MROH1: variants seen among roughly 807,000 people sequenced by gnomAD.
MROH1 encodes the protein maestro heat-like repeat-containing protein family member 1.
A neutral mutation model predicts 116.5 loss-of-function variants in MROH1; 117 were observed. The ratio of observed to expected loss-of-function variants is 1.00; its 90% CI spans 0.86 to 1.17. The LOEUF is 1.17. Among genes scored for constraint, MROH1 ranks in the 50% most tolerant of loss-of-function variants. The pLI is 0.00. For synonymous variants in MROH1, 921 were observed against 583.9 expected, an observed-to-expected ratio of 1.58 and a Z score of -8.32; for missense variants, 1,873 against 1,338.5, an observed-to-expected ratio of 1.40 and a Z score of -6.23.
intron 5 of MROH1, among the ~76,000 whole-genome samples, chr8:144,179,947 GCGTGTGGGGTCTCCT>G (rs1191251276): frequency 1.4e-4 from 4 of 29,186 alleles, no homozygotes; most frequent in Non-Finnish European, 6.3e-4. Context: ...TGCTGCTCCT[GCGTGTGGGGTCTCCT>G]CAGCAGCCCC....
intron 1 of MROH1, among the ~76,000 whole-genome samples, chr8:144,159,598 T>G (rs917328404): frequency 9.9e-5 from 15 of 152,270 alleles, no homozygotes; most frequent in African/African-American, 3.6e-4. Context: ...CCTCGTAGTG[T>G]TAACATATTT....
chr8:144,225,605 G>A (rs1315695103), intron 14 of MROH1, among the ~76,000 whole-genome samples: 27 of 152,096 alleles, frequency 1.8e-4, no homozygotes, highest in Non-Finnish European at 3.2e-4. Flanking sequence ...AGGCTGGAGT[G>A]CAGTGGTGCA....
At chr8:144,170,797 C>A (rs143932776) in intron 4 of MROH1, among the ~76,000 whole-genome samples, 20 of 152,314 alleles carry the variant, frequency 1.3e-4, no homozygotes, top group African/African-American at 4.3e-4. Flanking sequence ...CTGGGCCTCA[C>A]GGTTTTAGAC....
intron 12 of MROH1, among the ~76,000 whole-genome samples, chr8:144,216,872 T>C (rs1002204245): frequency 6.6e-6 from 1 of 152,118 alleles, no homozygotes; most frequent in Admixed American, 6.6e-5. Flanking sequence ...GTATCTTTAG[T>C]AGAGACGGGG....
chr8:144,228,045 A>C (rs1241756078), intron 14 of MROH1, among the ~76,000 whole-genome samples: 1 of 152,008 alleles, frequency 6.6e-6, no homozygotes, highest in Non-Finnish European at 1.5e-5. Flanking sequence ...CAGCCTGGAC[A>C]ATGTAACCAG....
In MROH1 at chr8:144,220,643, G is replaced by A; in HGVS notation, c.1185G>A (p.Met395Ile). 5 of 1,579,114 alleles carry A rather than the reference G, an allele frequency of 3.2e-6. No individual in the cohort carries two copies. Among genetic ancestry groups the A allele is most frequent in the Non-Finnish European group, 4.3e-6 (5 of 1,162,662 alleles). The change falls in exon 13 of 44, where the codon ATG (methionine) becomes ATA (isoleucine). Residue 395 changes from methionine (M) to isoleucine (I), a missense_variant. Physicochemically the swap from Met to Ile is conservative, Grantham distance 10 (BLOSUM62 1). Coordinates refer to ENST00000326134, the MANE Select transcript of MROH1 (RefSeq NM_032450.3). ...AAAAGCCCTTTATCCTGTCTTCCAT[G>A]AGGCTTCCTCTCCTGGACACCAACA... ...EDKKPFILSS[M>I]RLPLLDTNSK... is the part of the protein sequence containing the mutation.
At chr8:144,172,413 C>A (rs374468746) in intron 4 of MROH1, among the ~76,000 whole-genome samples, 1 of 142,998 alleles carries the variant, frequency 7.0e-6, no homozygotes, top group African/African-American at 2.6e-5. Flanking sequence ...TTTTTTTTTT[C>A]TTTTTTTTTT....
Position 144,245,249 on chromosome 8 carries a change from C to G in MROH1, c.2860C>G (p.Leu954Val), listed in dbSNP as rs1444748420. 1.3e-6 allele frequency: 1 copy of G among 778,080 alleles called. No individual in the cohort carries two copies. Among genetic ancestry groups the G allele is most frequent in the East Asian group, 2.4e-5 (1 of 41,264 alleles). The allele number at this position is 778,080 out of a possible 1,614,324, so 48.2% of individuals were successfully genotyped here. A position where few individuals can be genotyped will look rare whatever the true frequency, so the allele number is the denominator to read the frequency against. The change falls in exon 29 of 44, where the codon CTG becomes GTG. Residue 954 changes from leucine to valine, a missense_variant. Coordinates refer to ENST00000326134, the MANE Select transcript of MROH1 (RefSeq NM_032450.3). ...ALLLRYFLEH[L>V]RVSALVPFHN... ...CCTGCTGCGCTACTTCCTGGAGCAC[C>G]TGCGTGTCAGCGTGAGTACCTGGGT... is the stretch of plus-strand genomic sequence containing the variant.
intron 14 of MROH1, among the ~76,000 whole-genome samples, chr8:144,236,282 G>C (rs1052795986): frequency 2.6e-5 from 4 of 152,254 alleles, no homozygotes; most frequent in Admixed American, 2.6e-4. Context: ...GTATCATATC[G>C]GGGGTCCTAG....
chr8:144,250,117 G>T, intron 32 of MROH1, 95 bp from the exon 33 acceptor site: 1 of 703,506 alleles, frequency 1.4e-6, no homozygotes, highest in South Asian at 1.5e-5. Context: ...CATCTCATGG[G>T]GCTCCCTCAT....
At chr8:144,204,703 T>G (rs995943751) in intron 12 of MROH1, among the ~76,000 whole-genome samples, 9 of 152,228 alleles carry the variant, frequency 5.9e-5, no homozygotes, top group African/African-American at 2.2e-4. Context: ...ATTCTCTTGG[T>G]GAAATTTATA....
At chr8:144,190,748 T>C in intron 7 of MROH1, 36 bp from the exon 8 acceptor site, 1 of 1,603,508 alleles carries the variant, frequency 6.2e-7, no homozygotes, top group Non-Finnish European at 8.5e-7. Context: ...CACAAACCCA[T>C]GGCCTGCAGC....
rs777483680 is a variant in MROH1, at chr8:144,180,459, G to A, written c.498G>A (p.Leu166=). 1 of 1,612,952 alleles carries A rather than the reference G, an allele frequency of 6.2e-7. No homozygotes were observed. Among genetic ancestry groups the A allele is most frequent in the South Asian group, 1.1e-5 (1 of 91,076 alleles). ...FGVVPFLPSV[L]SSLLPVLGVA... ...TAGTCCCCTTCCTGCCATCCGTCCT[G>A]AGCTCCCTGCTGCCCGTGCTGGGCG... Residue 166 remains leucine (L), a synonymous_variant, in exon 7 of 44, where the codon CTG becomes CTA. Transcript: ENST00000326134. This position sits in a 1 kb window ranked among gnomAD's most constrained non-coding sequence, Gnocchi z 7.4.
intron 11 of MROH1, 23 bp downstream of exon 11, chr8:144,199,223 C>G (rs1000483500): frequency 6.2e-7 from 1 of 1,606,526 alleles, no homozygotes; most frequent in Non-Finnish European, 8.5e-7. Context: ...CCCAGCTTTG[C>G]CCATGGGCAT....
chr8:144,243,881 C>T lies in MROH1; in HGVS notation c.2494C>T (p.Pro832Ser). 1.3e-6 allele frequency: 1 copy of T among 780,048 alleles called. No homozygotes were observed. The highest frequency in any genetic ancestry group is 2.4e-6 in the Non-Finnish European group (1 of 417,584). The allele number at this position is 780,048 out of a possible 1,614,324, so 48.3% of individuals were successfully genotyped here. A position where few individuals can be genotyped will look rare whatever the true frequency, so the allele number is the denominator to read the frequency against. Residue 832 changes from proline (P) to serine (S), a missense_variant, in exon 26 of 44, where the codon CCC becomes TCC. Pro to Ser is a moderately conservative substitution (Grantham distance 74, BLOSUM62 -1). Coordinates refer to ENST00000326134, the MANE Select transcript of MROH1 (RefSeq NM_032450.3). Reference protein sequence around the residue: ...AQMMEFIRAEPPDSLRTPIRK... With the variant: ...AQMMEFIRAESPDSLRTPIRK... ...CACCCAGGAGTTCATCAGGGCAGAGCCCCCGGACTCCTTGAGGACACCTAT... is the reference window on the plus strand; with the variant it reads ...CACCCAGGAGTTCATCAGGGCAGAGTCCCCGGACTCCTTGAGGACACCTAT...
intron 39 of MROH1, 135 bp downstream of exon 39, chr8:144,260,509 G>A (rs1182200041): frequency 2.8e-6 from 2 of 714,500 alleles, no homozygotes; most frequent in African/African-American, 3.5e-5. Flanking sequence ...CGGACCTGCA[G>A]GGCTGCTGCT....
rs758855641 is a variant in MROH1 at position 144,190,893 on chromosome 8, C to T, written c.672C>T (p.Tyr224=). The T allele has an allele frequency of 3.1e-5, 50 of 1,613,628 alleles. No homozygotes were observed. The East Asian group carries it at 6.5e-4, about 21-fold the overall frequency. The change falls in exon 8 of 44, where the codon TAC becomes TAT. Residue 224 remains tyrosine (Y), a synonymous_variant. Transcript: ENST00000326134. ...TTGCCACCGACATCTTCAGCGCCTA[C>T]GATGTTCTCTTCCATCAGTGGCTGC... ...DAFATDIFSA[Y]DVLFHQWLQS...
chr8:144,229,000 A>T (rs1838318232), intron 14 of MROH1, among the ~76,000 whole-genome samples: 1 of 152,216 alleles, frequency 6.6e-6, no homozygotes. Flanking sequence ...CCAGGAGCAG[A>T]TTCAGTCTCA....
intron 11 of MROH1, among the ~76,000 whole-genome samples, 189 bp from the exon 12 acceptor site, chr8:144,200,239 C>G (rs563642578): frequency 6.6e-6 from 1 of 152,162 alleles, no homozygotes; most frequent in Non-Finnish European, 1.5e-5. Context: ...GGGATAAGGG[C>G]TACATGTGCT....
Sources: allele counts gnomAD v4.1 joint callset (sites outside exome capture counted in the v4.1 genomes callset), GRCh38; gene constraint gnomAD v4.1.1; non-coding constraint Gnocchi (gnomAD v3.1); transcripts MANE v1.5; gene names NCBI Gene and HGNC (gene_info 2026-07-23, HGNC 2026-07-21).